Variants in CARD8 observed in about 807,000 individuals in gnomAD.
CARD8 encodes the protein caspase recruitment domain-containing protein 8.
Under a neutral mutation model 53.2 loss-of-function variants are expected in CARD8, and 38 were observed. The ratio of observed to expected loss-of-function variants is 0.71; its 90% CI spans 0.55 to 0.94. The LOEUF (loss-of-function observed/expected upper bound fraction) is 0.94. CARD8 is among the 40% of genes least tolerant of loss of function. The pLI, the probability that CARD8 is intolerant of heterozygous loss-of-function variation, is 0.00. For synonymous variants in CARD8, 245 were observed against 244.9 expected, an observed-to-expected ratio of 1.00 and a Z score of 0.00; for missense variants, 561 against 655.5, an observed-to-expected ratio of 0.86 and a Z score of 1.57.
At chr19:48,249,423 A>T (rs2046646053) in intron 3 of CARD8, 100 bp downstream of exon 3, 1 of 152,218 alleles carries the variant, frequency 6.6e-6, no homozygotes, top group African/African-American at 2.4e-5. Flanking sequence ...TTTATTTAAA[A>T]TATATTATTA....
At chr19:48,218,185 A>G (rs555895436) in intron 12 of CARD8, among the ~76,000 whole-genome samples, 1 of 151,080 alleles carries the variant, frequency 6.6e-6, no homozygotes, top group Non-Finnish European at 1.5e-5. Context: ...TGGCAAGAAC[A>G]TTTTATTTTA....
chr19:48,221,614 A>C (rs764486100), intron 11 of CARD8, 116 bp downstream of exon 11: 1 of 618,908 alleles, frequency 1.6e-6, no homozygotes, highest in Non-Finnish European at 2.6e-6. Context: ...ATTTTTTTAA[A>C]GGGCATATTT....
At position 48,215,430 on chromosome 19, in the gene CARD8, T is replaced by C. The variant is rs371400461; in HGVS notation, c.1304-46A>G. ...ATATGATGAGATGAGATAAATCATG[T>C]ACCCTTATTTAGCTTTTCTAGTCTT... is the stretch of plus-strand genomic sequence containing the variant. On this transcript the variant is annotated intron_variant, in intron 12 of 13. Coordinates refer to ENST00000651546, the MANE Select transcript of CARD8 (RefSeq NM_001184900.3). The C allele has an allele frequency of 9.0e-6, 12 of 1,333,470 alleles. No homozygotes were observed. In the African/African-American group the frequency reaches 1.6e-4, roughly 18 times the overall value. The allele number at this position is 1,333,470 out of a possible 1,614,324, so 82.6% of individuals were successfully genotyped here.
At chr19:48,207,617 C>T (rs1364187482), downstream of CARD8, among the ~76,000 whole-genome samples, 2 of 151,606 alleles carry the variant, frequency 1.3e-5, no homozygotes, top group Admixed American at 1.3e-4. Flanking sequence ...AAGGAGTTTT[C>T]TGTTTGTTTA....
chr19:48,245,390 T>C (rs2045940299), intron 3 of CARD8, among the ~76,000 whole-genome samples: 1 of 152,086 alleles, frequency 6.6e-6, no homozygotes, highest in Admixed American at 6.6e-5. Context: ...TTTTTGTATT[T>C]TTAGTAGAGA....
intron 13 of CARD8, among the ~76,000 whole-genome samples, chr19:48,213,308 G>A (rs1317182780): frequency 3.9e-5 from 6 of 151,944 alleles, no homozygotes; most frequent in Admixed American, 1.3e-4. Context: ...TCCAAACCTG[G>A]ATTTATTGCT....
intron 12 of CARD8, among the ~76,000 whole-genome samples, chr19:48,218,154 T>TTC (rs1555802286): frequency 8.9e-6 from 1 of 112,734 alleles, no homozygotes; most frequent in African/African-American, 3.2e-5. Flanking sequence ...GACAATAGAT[T>TTC]TCTCTTTTTT....
chr19:48,206,294 T>C (rs150143257), downstream of CARD8: 8 of 358,298 alleles, frequency 2.2e-5, no homozygotes, highest in Non-Finnish European at 3.9e-5. Flanking sequence ...TATAGTTGCA[T>C]TTCAATAGAA....
intron 13 of CARD8, 107 bp from the exon 14 acceptor site, chr19:48,212,082 G>T: frequency 9.6e-7 from 1 of 1,038,402 alleles, no homozygotes; most frequent in Non-Finnish European, 1.4e-6. Context: ...TGCTCCTTGT[G>T]TCTGTAGCTT....
intron 10 of CARD8, chr19:48,223,955 C>G: frequency 2.2e-6 from 1 of 448,744 alleles, no homozygotes; most frequent in Non-Finnish European, 4.5e-6. Context: ...AAATGTACTG[C>G]AACCCCCAAA....
At position 48,210,648 on chromosome 19, in the gene CARD8, G is replaced by A. The variant is rs1301587615; in HGVS notation, c.*1062C>T. 1 of 152,052 alleles carries A rather than the reference G, an allele frequency of 6.6e-6. No individual in the cohort carries two copies. Among genetic ancestry groups the A allele is most frequent in the East Asian group, 1.9e-4 (1 of 5,194 alleles). 9.4% of individuals were successfully genotyped at this position (152,052 alleles called of 1,614,324 possible). On this transcript the variant is annotated 3_prime_UTR_variant, in exon 14 of 14. Transcript: ENST00000651546. The stretch of plus-strand genomic sequence containing the variant: ...AATGTGATAACAGTAGAATAGAAAA[G>A]ACATAACAAACTGGCTGACTGAGGA...
Position 48,232,484 on chromosome 19 carries a change from T to C in CARD8, c.360A>G (p.Glu120=), listed in dbSNP as rs1344256790. The change falls in exon 7 of 14, where the codon GAA becomes GAG. Residue 120 remains glutamate (E), a synonymous_variant. Coordinates refer to ENST00000651546, the MANE Select transcript of CARD8 (RefSeq NM_001184900.3). ...CTTGTCCCTCTGAAGATTCCTGCTC[T>C]TCTGATACACTGGAGGTTGGGATCC... ...LSGGDIPSVS[E]EQESSEGQDS... The C allele has an allele frequency of 1.3e-6, 2 of 1,535,882 alleles. No homozygotes were observed. The highest frequency in any genetic ancestry group is 1.7e-6 in the Non-Finnish European group (2 of 1,146,732).
intron 4 of CARD8, among the ~76,000 whole-genome samples, chr19:48,238,779 A>AT (rs34563332): frequency 0.04 from 6,015 of 152,016 alleles, 386 homozygotes; most frequent in African/African-American, 0.13. Context: ...CCTTAGAGAT[A>AT]CTATCCTTAG....
intron 10 of CARD8, among the ~76,000 whole-genome samples, chr19:48,228,860 CG>C (rs2042296782): frequency 6.6e-6 from 1 of 152,102 alleles, no homozygotes; most frequent in Non-Finnish European, 1.5e-5. Context: ...GGGAGGCGGC[CG>C]GGCGCGGTGG....
chr19:48,240,674 CAGA>C (rs984601804), intron 4 of CARD8, among the ~76,000 whole-genome samples: 24 of 151,706 alleles, frequency 1.6e-4, no homozygotes, highest in African/African-American at 5.8e-4. Flanking sequence ...GAGGCTGAGG[CAGA>C]AGAATCGCTT....
intron 10 of CARD8, among the ~76,000 whole-genome samples, chr19:48,225,226 C>G (rs1480616543): frequency 1.3e-5 from 2 of 152,062 alleles, no homozygotes; most frequent in Non-Finnish European, 2.9e-5. Flanking sequence ...CACGGTGGCT[C>G]ACACCTGTAA....
At position 48,232,066 on chromosome 19, in the gene CARD8, A is replaced by G. The variant is rs2043007568; in HGVS notation, c.392-256T>C. 21 of 581,532 alleles carry G rather than the reference A, an allele frequency of 3.6e-5. 1 individual carries two copies. The South Asian group carries it at 3.7e-4, about 10-fold the overall frequency. The allele number at this position is 581,532 out of a possible 1,614,324, so 36.0% of individuals were successfully genotyped here. ...AGCCAGGCTGGACAGCTTTGGTGGG[A>G]GGCACCATTTGCTGAGGACTGGAAC... On this transcript the variant is annotated intron_variant, in intron 7 of 13. Transcript: ENST00000651546.
At position 48,252,808 on chromosome 19, in the gene CARD8, T is replaced by TATATATACACACACACACACACACACAC. The variant is rs113740488; in HGVS notation, c.-251-2962_-251-2961insGTGTGTGTGTGTGTGTGTGTGTATATAT. Among the ~76,000 whole-genome samples, 7 of 148,182 alleles carry TATATATACACACACACACACACACACAC rather than the reference T, an allele frequency of 4.7e-5. No individual in the cohort carries two copies. In the Admixed American group the frequency reaches 4.8e-4, roughly 10 times the overall value. On this transcript the variant is annotated intron_variant, in intron 1 of 13. Transcript: ENST00000651546. ...CCACCGCACTGGCCTTATCAGTATA[T>TATATATACACACACACACACACACACAC]ACACACACACACACACACACACACA...
intron 6 of CARD8, chr19:48,233,528 C>A (rs987448038): frequency 3.1e-5 from 12 of 383,608 alleles, no homozygotes; most frequent in African/African-American, 2.3e-4. Context: ...TGCGGCTACA[C>A]ATTTTGCTAT....
Sources: allele counts gnomAD v4.1 joint callset (sites outside exome capture counted in the v4.1 genomes callset), GRCh38; gene constraint gnomAD v4.1.1; transcripts MANE v1.5; gene names NCBI Gene and HGNC (gene_info 2026-07-23, HGNC 2026-07-21).